FHDC1: variants seen among roughly 807,000 people sequenced by gnomAD.
FHDC1 encodes the protein FH2 domain containing 1.
In FHDC1, 25 loss-of-function variants were observed where a neutral mutation model predicts 52.6. That is an observed-to-expected ratio of 0.48 (90% CI 0.35 to 0.66). The LOEUF is 0.66. Ranked by LOEUF, FHDC1 falls within the 30% of genes least tolerant of loss-of-function variation. The pLI is 0.01. For missense variants in FHDC1, 1,459 were observed against 1,452.8 expected (o/e 1.00, Z -0.07); for synonymous variants, 616 against 581.5 (o/e 1.06, Z -0.85).
At position 152,943,280 on chromosome 4, in the gene FHDC1, C is replaced by G. The variant is rs777553503; in HGVS notation, c.223C>G (p.Pro75Ala). 8.8e-6 allele frequency: 14 copies of G among 1,595,282 alleles called. No individual in the cohort carries two copies. The highest frequency in any genetic ancestry group is 3.3e-5 in the Admixed American group (2 of 59,786). Residue 75 changes from proline to alanine, a missense_variant, in exon 2 of 12, where the codon CCC (proline) becomes GCC (alanine). By Grantham distance (27) the Pro-to-Ala change is conservative. Transcript: ENST00000511601. ...TCCTGGGGAGCCTCCCATCCCACCT[C>G]CCCCACCAGGCCTACCCCCAACTAC... ...PLPGEPPIPP[P>A]PPGLPPTTHM...
chr4:152,953,879 G>A (rs1740001286), intron 3 of FHDC1, among the ~76,000 whole-genome samples: 1 of 152,262 alleles, frequency 6.6e-6, no homozygotes, highest in Non-Finnish European at 1.5e-5. Flanking sequence ...TCAGAGTTTT[G>A]TGTTCTGAAG....
At chr4:152,963,504 C>T (rs1740347663) in intron 8 of FHDC1, among the ~76,000 whole-genome samples, 1 of 152,044 alleles carries the variant, frequency 6.6e-6, no homozygotes. Flanking sequence ...ACTGTGGAGG[C>T]TGGGTTAGAG....
chr4:152,928,238 C>T, the FHDC1 span: 2 of 719,738 alleles, frequency 2.8e-6, no homozygotes, highest in Non-Finnish European at 5.1e-6. Flanking sequence ...GGGAGCTCCT[C>T]CCCAATGGTA....
At chr4:152,912,621 G>A in the FHDC1 span, among the ~76,000 whole-genome samples, 1 of 152,096 alleles carries the variant, frequency 6.6e-6, no homozygotes, top group Non-Finnish European at 1.5e-5. Context: ...TTTTAAGCCA[G>A]TGCTGTATAT....
chr4:152,976,818 G>A lies in FHDC1; in HGVS notation c.*95G>A. 15 of 1,415,058 alleles carry A rather than the reference G, an allele frequency of 1.1e-5. No homozygotes were observed. The highest frequency in any genetic ancestry group is 1.4e-5 in the Non-Finnish European group (15 of 1,076,274). 87.7% of individuals were successfully genotyped at this position (1,415,058 alleles called of 1,614,324 possible). A position where few individuals can be genotyped will look rare whatever the true frequency, so the allele number is the denominator to read the frequency against. ...AAAGAGGCAGCATGTCTTTGTTACAGATAAAGCAGCCACTGGTGCCACTGC... is the reference window on the plus strand; with the variant it reads ...AAAGAGGCAGCATGTCTTTGTTACAAATAAAGCAGCCACTGGTGCCACTGC... On this transcript the variant is annotated 3_prime_UTR_variant, in exon 12 of 12. Coordinates refer to ENST00000511601, the MANE Select transcript of FHDC1 (RefSeq NM_001371116.1).
chr4:152,927,967 C>A, the FHDC1 span: 6 of 1,480,908 alleles, frequency 4.1e-6, no homozygotes, highest in Non-Finnish European at 5.7e-6. Flanking sequence ...TGAAACCGGA[C>A]CCTGAGCCAG....
At chr4:152,912,787 T>C in the FHDC1 span, among the ~76,000 whole-genome samples, 1 of 152,154 alleles carries the variant, frequency 6.6e-6, no homozygotes, top group East Asian at 1.9e-4. Flanking sequence ...GAAAAAATAA[T>C]GCACTGAGGA....
chr4:152,924,888 C>T, the FHDC1 span, among the ~76,000 whole-genome samples: 2 of 150,372 alleles, frequency 1.3e-5, no homozygotes, highest in African/African-American at 4.9e-5. Context: ...GGAGGGATAG[C>T]TTTAGGAGAC....
chr4:152,922,214 G>T, the FHDC1 span, among the ~76,000 whole-genome samples: 1 of 152,154 alleles, frequency 6.6e-6, no homozygotes, highest in African/African-American at 2.4e-5. Flanking sequence ...TACCATCAGA[G>T]AATACTACAA....
chr4:152,977,531 C>G lies in FHDC1; in HGVS notation c.*808C>G, dbSNP rs1403408035. 1.3e-5 allele frequency: 2 copies of G among 152,178 alleles called. No homozygotes were observed. 9.4% of individuals were successfully genotyped at this position (152,178 alleles called of 1,614,324 possible). ...AATCATAGCTCACTGCAGCTTTGAC[C>G]TCCCAGACCCAAGTGATCCTCCCAC... On this transcript the variant is annotated 3_prime_UTR_variant, in exon 12 of 12. Coordinates refer to ENST00000511601, the MANE Select transcript of FHDC1 (RefSeq NM_001371116.1).
chr4:152,933,164 A>T (rs1174489507), upstream of FHDC1, among the ~76,000 whole-genome samples: 1 of 152,234 alleles, frequency 6.6e-6, no homozygotes. Flanking sequence ...AGAGGCCTGC[A>T]GTGGCAGCAG....
Position 152,976,338 on chromosome 4 carries a change from AGCCCAAGACCCCGTCAGT to A in FHDC1, c.3053_3070del (p.Lys1018_Pro1023del), listed in dbSNP as rs1740881819. 1 of 1,613,594 alleles carries A rather than the reference AGCCCAAGACCCCGTCAGT, an allele frequency of 6.2e-7. No homozygotes were observed. Among genetic ancestry groups the A allele is most frequent in the Admixed American group, 1.7e-5 (1 of 60,006 alleles). On this transcript the variant is annotated inframe_deletion, in exon 12 of 12. Transcript: ENST00000511601. Reference sequence around the variant, plus strand: ...GAGGGCCCTGAGAGTCCCAAAGAAGAGCCCAAGACCCCGTCAGTGCCCAGCGTCCCCCACGAACTACCC... The same window carrying A: ...GAGGGCCCTGAGAGTCCCAAAGAAGAGCCCAGCGTCCCCCACGAACTACCC...
chr4:152,917,605 G>T, the FHDC1 span, among the ~76,000 whole-genome samples: 1 of 151,992 alleles, frequency 6.6e-6, no homozygotes, highest in South Asian at 2.1e-4. Context: ...TAGCAAAAAG[G>T]CCAGGCAATG....
chr4:152,970,032 CT>C (rs1175090018), intron 10 of FHDC1, among the ~76,000 whole-genome samples: 1 of 152,098 alleles, frequency 6.6e-6, no homozygotes, highest in Admixed American at 6.6e-5. Flanking sequence ...ATTCAACTTC[CT>C]TTTGAATAGG....
rs138272329 is a variant in FHDC1 at position 152,957,689 on chromosome 4, TA to T, written c.664-2873del. Among the ~76,000 whole-genome samples the T allele has an allele frequency of 4.9e-3, 753 of 152,330 alleles. 14 individuals are homozygous for T. The highest frequency in any genetic ancestry group is 0.018 in the African/African-American group (736 of 41,560). On this transcript the variant is annotated intron_variant, in intron 4 of 11. Coordinates refer to ENST00000511601, the MANE Select transcript of FHDC1 (RefSeq NM_001371116.1). ...AATCTTATCAGCATGCTGAAAGATATAAACGGAAACAGCCCTTTTCTCTCCT... is the reference window on the plus strand; with the variant it reads ...AATCTTATCAGCATGCTGAAAGATATAACGGAAACAGCCCTTTTCTCTCCT...
Position 152,960,807 on chromosome 4 carries a change from A to T in FHDC1, c.813A>T (p.Leu271=). Residue 271 remains leucine (L), a synonymous_variant, in exon 6 of 12, where the codon CTA becomes CTT. Coordinates refer to ENST00000511601, the MANE Select transcript of FHDC1 (RefSeq NM_001371116.1). ...AATTTCTACCTTCTTGCTCTTCTCT[A>T]TATACAGATATAACAGTTTTAAGAA... ...KKEFLPSCSS[L]YTDITVLRTA... 6.2e-7 allele frequency: 1 copy of T among 1,610,880 alleles called. No homozygotes were observed. Among genetic ancestry groups the T allele is most frequent in the Non-Finnish European group, 8.5e-7 (1 of 1,179,234 alleles).
intron 6 of FHDC1, among the ~76,000 whole-genome samples, chr4:152,961,581 G>A (rs1327547425): frequency 6.6e-6 from 1 of 152,122 alleles, no homozygotes; most frequent in South Asian, 2.1e-4. Context: ...TCAGCTCGGG[G>A]CCATATTCTC....
chr4:152,940,935 T>C (rs1739558663), intron 1 of FHDC1, among the ~76,000 whole-genome samples: 1 of 152,178 alleles, frequency 6.6e-6, no homozygotes, highest in African/African-American at 2.4e-5. Flanking sequence ...ATGATAATTA[T>C]GAAAACTCTT....
chr4:152,975,272 C>T lies in FHDC1; in HGVS notation c.1981C>T (p.Pro661Ser). Residue 661 changes from proline to serine, a missense_variant, in exon 12 of 12, where the codon CCT becomes TCT. Transcript: ENST00000511601. ...GGTGAGCCTGGGCTCAGCACAGTCC[C>T]CTCCTCTCTCGCCATTGGCTCTGGG... ...EPVSLGSAQS[P>S]PLSPLALGIK... 1.2e-6 allele frequency: 2 copies of T among 1,613,538 alleles called. No homozygotes were observed. Among genetic ancestry groups the T allele is most frequent in the Non-Finnish European group, 1.7e-6 (2 of 1,180,024 alleles).
Sources: allele counts gnomAD v4.1 joint callset (sites outside exome capture counted in the v4.1 genomes callset), GRCh38; gene constraint gnomAD v4.1.1; transcripts MANE v1.5; gene names NCBI Gene and HGNC (gene_info 2026-07-23, HGNC 2026-07-21).